Variants in BMPR1B observed in about 807,000 individuals in gnomAD.
The protein encoded by BMPR1B is bone morphogenetic protein receptor type-1B.
In BMPR1B, 12 loss-of-function variants were observed where a neutral mutation model predicts 59.1. The ratio of observed to expected loss-of-function variants is 0.20; its 90% CI spans 0.13 to 0.33. The LOEUF (loss-of-function observed/expected upper bound fraction) is 0.33. Among genes scored for constraint, BMPR1B ranks in the 10% least tolerant of loss-of-function variants. The pLI is 1.00. For synonymous variants in BMPR1B, 237 were observed against 207.3 expected (o/e 1.14, Z -1.23); for missense variants, 550 against 610.9 (o/e 0.90, Z 1.05).
At chr4:94,850,551 A>G (rs762034488) in intron 1 of BMPR1B, among the ~76,000 whole-genome samples, 5 of 152,220 alleles carry the variant, frequency 3.3e-5, no homozygotes, top group Non-Finnish European at 5.9e-5. Flanking sequence ...TTTGTTGCCT[A>G]TGTTCATAAA....
intron 2 of BMPR1B, among the ~76,000 whole-genome samples, chr4:94,970,021 CAG>C (rs1426518822): frequency 6.6e-6 from 1 of 152,116 alleles, no homozygotes; most frequent in African/African-American, 2.4e-5. Flanking sequence ...TACTATTCTT[CAG>C]AGTTATAATT....
chr4:94,997,620 C>G (rs1357225072), intron 3 of BMPR1B, among the ~76,000 whole-genome samples: 1 of 152,082 alleles, frequency 6.6e-6, no homozygotes, highest in African/African-American at 2.4e-5. Context: ...TCATGTGAAT[C>G]TTTGTACTTC....
At position 94,806,971 on chromosome 4, in the gene BMPR1B, T is replaced by G. The variant is rs1462557151; in HGVS notation, c.-183+48903T>G. On this transcript the variant is annotated intron_variant, in intron 1 of 12. Coordinates refer to ENST00000515059, the MANE Select transcript of BMPR1B (RefSeq NM_001203.3). ...AAATAAGTTCATAATAAATAATAAATAGTAGATTGTTGCCAGTTATTTGTG... is the reference window on the plus strand; with the variant it reads ...AAATAAGTTCATAATAAATAATAAAGAGTAGATTGTTGCCAGTTATTTGTG... Among the ~76,000 whole-genome samples, 3 of 152,248 alleles carry G rather than the reference T, an allele frequency of 2.0e-5. No homozygotes were observed. In the South Asian group the frequency reaches 6.2e-4, roughly 32 times the overall value.
Position 94,840,497 on chromosome 4 carries a change from C to T in BMPR1B, c.-182-35334C>T, listed in dbSNP as rs568178514. 1.4e-5 allele frequency among the ~76,000 whole-genome samples: 2 copies of T among 147,096 alleles called. 1 individual carries two copies. Among genetic ancestry groups the T allele is most frequent in the South Asian group, 4.4e-4 (2 of 4,540 alleles). On this transcript the variant is annotated intron_variant, in intron 1 of 12. Coordinates refer to ENST00000515059, the MANE Select transcript of BMPR1B (RefSeq NM_001203.3). ...TTTTTTCTCTAAACTTCCCTTCTCG[C>T]TTCATTTCATTCATTTCACCTTCCA...
intron 5 of BMPR1B, among the ~76,000 whole-genome samples, chr4:95,115,322 T>C (rs1731938116): frequency 6.6e-6 from 1 of 152,226 alleles, no homozygotes. Flanking sequence ...TCCTTCATTT[T>C]GAAATCAAAT....
intron 3 of BMPR1B, among the ~76,000 whole-genome samples, chr4:95,050,000 G>T (rs1464170403): frequency 2.0e-5 from 3 of 152,060 alleles, no homozygotes; most frequent in Non-Finnish European, 2.9e-5. Flanking sequence ...TTGGGGAAAT[G>T]TGAGCAGTGG....
At chr4:95,065,779 A>G (rs543766458) in intron 3 of BMPR1B, among the ~76,000 whole-genome samples, 1 of 152,230 alleles carries the variant, frequency 6.6e-6, no homozygotes, top group East Asian at 1.9e-4. Context: ...TATCTTCTAC[A>G]AGAAAATATG....
chr4:94,832,757 T>G (rs1369810586), intron 1 of BMPR1B, among the ~76,000 whole-genome samples: 1 of 152,140 alleles, frequency 6.6e-6, no homozygotes, highest in Non-Finnish European at 1.5e-5. Flanking sequence ...CACTACAGCC[T>G]GGGCAACAGA....
chr4:95,055,652 A>G (rs1451660759), intron 3 of BMPR1B, among the ~76,000 whole-genome samples: 3 of 152,210 alleles, frequency 2.0e-5, no homozygotes, highest in South Asian at 4.1e-4. Context: ...AAAATGGCTA[A>G]ACTATAGTTT....
At position 94,910,057 on chromosome 4, in the gene BMPR1B, A is replaced by C. The variant is rs548519908; in HGVS notation, c.-113+34157A>C. Among the ~76,000 whole-genome samples the C allele has an allele frequency of 9.2e-5, 14 of 152,224 alleles. No individual in the cohort carries two copies. In the East Asian group the frequency reaches 1.6e-3, roughly 17 times the overall value. ...GAGACTCCGTCTCCAAAAAAAACAA[A>C]AAAAAAGAGCCTTTAAAAGACATTC... On this transcript the variant is annotated intron_variant, in intron 2 of 12. Coordinates refer to ENST00000515059, the MANE Select transcript of BMPR1B (RefSeq NM_001203.3).
Position 95,111,142 on chromosome 4 carries a change from T to C in BMPR1B, c.144-3578T>C, listed in dbSNP as rs148080350. 5.1e-3 allele frequency among the ~76,000 whole-genome samples: 778 copies of C among 152,252 alleles called. 7 individuals are homozygous for C. Among genetic ancestry groups the C allele is most frequent in the African/African-American group, 0.018 (751 of 41,568 alleles). ...AAAACTGTTAATCTTTCCAGCCAGG[T>C]GCAACTGAGCAGATAGATACCCATC... On this transcript the variant is annotated intron_variant, in intron 4 of 12. Transcript: ENST00000515059.
intron 3 of BMPR1B, chr4:95,091,417 G>C (rs1166958258): frequency 1.0e-6 from 1 of 961,030 alleles, no homozygotes; most frequent in Non-Finnish European, 1.2e-6. Context: ...ATAATCAAAG[G>C]GACTACTGAG....
At chr4:94,942,760 T>G (rs982928226) in intron 2 of BMPR1B, among the ~76,000 whole-genome samples, 1 of 152,148 alleles carries the variant, frequency 6.6e-6, no homozygotes, top group Non-Finnish European at 1.5e-5. Flanking sequence ...AACCAGCAGG[T>G]GTTAAGAAAT....
chr4:95,055,778 G>T (rs1726881557), intron 3 of BMPR1B, among the ~76,000 whole-genome samples: 2 of 152,126 alleles, frequency 1.3e-5, no homozygotes, highest in Non-Finnish European at 2.9e-5. Flanking sequence ...GCAACCGTAT[G>T]CAAGTCTTAT....
intron 7 of BMPR1B, among the ~76,000 whole-genome samples, chr4:95,124,343 G>A (rs558896561): frequency 1.1e-3 from 166 of 151,516 alleles, no homozygotes; most frequent in Non-Finnish European, 2.0e-3. Context: ...TATTAAATTC[G>A]GTAATTCCTA....
intron 1 of BMPR1B, among the ~76,000 whole-genome samples, chr4:94,844,669 C>T (rs56043927): frequency 4.0e-5 from 1 of 24,704 alleles, no homozygotes; most frequent in Non-Finnish European, 7.9e-5. Context: ...TGCCTGACTT[C>T]CCCCCGCTGC....
Position 95,152,743 on chromosome 4 carries a change from C to G in BMPR1B, c.1353C>G (p.Pro451=). 3.1e-6 allele frequency: 5 copies of G among 1,610,992 alleles called. No individual in the cohort carries two copies. Among genetic ancestry groups the G allele is most frequent in the Non-Finnish European group, 4.2e-6 (5 of 1,178,624 alleles). Residue 451 remains proline (P), a synonymous_variant, in exon 12 of 13, where the codon CCC becomes CCG. Coordinates refer to ENST00000515059, the MANE Select transcript of BMPR1B (RefSeq NM_001203.3). The part of the protein sequence containing the change: ...REIVCIKKLR[P]SFPNRWSSDE... ...TTGTGTGCATCAAGAAGTTACGCCC[C>G]TCATTCCCAAACCGGTGGAGCAGTG...
chr4:94,760,939 C>G (rs1453075701), intron 1 of BMPR1B, among the ~76,000 whole-genome samples: 1 of 152,142 alleles, frequency 6.6e-6, no homozygotes, highest in Non-Finnish European at 1.5e-5. Context: ...TTGAAAGAGT[C>G]TTAGCATGTC....
At chr4:95,132,225 T>G (rs935365521) in intron 10 of BMPR1B, among the ~76,000 whole-genome samples, 1 of 152,190 alleles carries the variant, frequency 6.6e-6, no homozygotes, top group African/African-American at 2.4e-5. Context: ...AAACCACTGG[T>G]GTAGAGAAAT....
Sources: gnomAD v4.1 joint callset for allele counts (sites outside exome capture counted in the v4.1 genomes callset) on GRCh38, gnomAD v4.1.1 for gene constraint, MANE v1.5 for transcripts, NCBI Gene and HGNC (gene_info 2026-07-23, HGNC 2026-07-21) for gene names.